CLSTN2: variants seen among roughly 807,000 people sequenced by gnomAD.
CLSTN2 encodes calsyntenin 2, also known as calsyntenin-2.
A neutral mutation model predicts 101.2 loss-of-function variants in CLSTN2; 48 were observed. The ratio of observed to expected loss-of-function variants is 0.47; its 90% CI spans 0.38 to 0.60. The LOEUF is 0.60. Ranked by LOEUF, CLSTN2 falls within the 20% of genes least tolerant of loss-of-function variation. CLSTN2 has a pLI of 0.00. For synonymous variants in CLSTN2, 481 were observed against 463.6 expected, an observed-to-expected ratio of 1.04 and a Z score of -0.48; for missense variants, 1,160 against 1,238.2, an observed-to-expected ratio of 0.94 and a Z score of 0.95.
intron 8 of CLSTN2, among the ~76,000 whole-genome samples, chr3:140,498,059 T>C (rs1238447663): frequency 6.6e-6 from 1 of 152,208 alleles, no homozygotes; most frequent in East Asian, 1.9e-4. Flanking sequence ...CGGTTGAAGG[T>C]GCTGAATTCA....
chr3:140,121,757 G>A (rs989352489), intron 1 of CLSTN2, among the ~76,000 whole-genome samples: 15 of 152,178 alleles, frequency 9.9e-5, no homozygotes, highest in African/African-American at 3.6e-4. Context: ...GGTGCTGTTT[G>A]GTGGGCTTGG....
intron 1 of CLSTN2, among the ~76,000 whole-genome samples, chr3:139,939,542 A>G (rs182936748): frequency 1.3e-5 from 2 of 152,186 alleles, no homozygotes; most frequent in Non-Finnish European, 2.9e-5. Context: ...CCCACAGAAG[A>G]GCACAGTATG....
intron 7 of CLSTN2, chr3:140,461,392 A>G (rs902867055): frequency 6.6e-6 from 1 of 152,310 alleles, no homozygotes; most frequent in African/African-American, 2.4e-5. Flanking sequence ...GAATGTGCAG[A>G]CAAATACAAA....
At position 140,174,280 on chromosome 3, in the gene CLSTN2, C is replaced by T. The variant is rs112725110; in HGVS notation, c.110-1671C>T. Among the ~76,000 whole-genome samples, 455 of 152,252 alleles carry T rather than the reference C, an allele frequency of 3.0e-3. 2 individuals are homozygous for T. Among genetic ancestry groups the T allele is most frequent in the African/African-American group, 0.01 (419 of 41,544 alleles). ...AATATAACAAGAGTCACCTTTGCTC[C>T]GGTTCCCAACAAGTTCCTCATCTCC... is the stretch of plus-strand genomic sequence containing the variant. On this transcript the variant is annotated intron_variant, in intron 1 of 16. Transcript: ENST00000458420.
intron 2 of CLSTN2, among the ~76,000 whole-genome samples, chr3:140,395,753 AT>A (rs61365299): frequency 0.025 from 3,832 of 152,190 alleles, 144 homozygotes; most frequent in African/African-American, 0.086. Context: ...TTCCTGTCTT[AT>A]TATACTTAAA....
At chr3:140,402,573 A>C (rs919993434) in intron 2 of CLSTN2, among the ~76,000 whole-genome samples, 2 of 152,184 alleles carry the variant, frequency 1.3e-5, no homozygotes, top group African/African-American at 4.8e-5. Flanking sequence ...ATAGTTGGGC[A>C]GGACCTGGAC....
chr3:140,360,675 T>C (rs1468229911), intron 2 of CLSTN2, among the ~76,000 whole-genome samples: 2 of 152,118 alleles, frequency 1.3e-5, no homozygotes, highest in Admixed American at 6.5e-5. Flanking sequence ...CTCAGGACTC[T>C]GGGAATTTAT....
intron 1 of CLSTN2, among the ~76,000 whole-genome samples, chr3:140,128,430 G>A (rs900789364): frequency 4.6e-5 from 7 of 152,156 alleles, no homozygotes; most frequent in African/African-American, 1.7e-4. Flanking sequence ...ATTCAAATTA[G>A]GTAGTATGAG....
chr3:140,498,339 G>C (rs1323649530), intron 8 of CLSTN2, among the ~76,000 whole-genome samples: 2 of 152,082 alleles, frequency 1.3e-5, no homozygotes, highest in Non-Finnish European at 2.9e-5. Flanking sequence ...GGACAATCAG[G>C]GAGCCCCCCT....
intron 8 of CLSTN2, among the ~76,000 whole-genome samples, chr3:140,501,382 T>A (rs1370050924): frequency 6.6e-6 from 1 of 151,382 alleles, no homozygotes; most frequent in East Asian, 1.9e-4. Flanking sequence ...ACTAGCTTTC[T>A]CCTGCCTAGC....
chr3:140,189,284 TG>T (rs1397202838), intron 2 of CLSTN2, among the ~76,000 whole-genome samples: 1 of 152,236 alleles, frequency 6.6e-6, no homozygotes, highest in Non-Finnish European at 1.5e-5. Flanking sequence ...GTATAGTTGC[TG>T]GGTCATATAG....
intron 2 of CLSTN2, among the ~76,000 whole-genome samples, chr3:140,363,924 G>C (rs528565866): frequency 3.3e-5 from 5 of 152,324 alleles, no homozygotes; most frequent in Middle Eastern, 3.4e-3. Context: ...TGACTGGGAG[G>C]CCTCTCTTGT....
intron 2 of CLSTN2, among the ~76,000 whole-genome samples, chr3:140,279,123 T>C (rs1404647790): frequency 1.3e-5 from 2 of 152,208 alleles, no homozygotes; most frequent in Non-Finnish European, 2.9e-5. Context: ...CTTCTTTCCC[T>C]CAACATTATG....
intron 5 of CLSTN2, among the ~76,000 whole-genome samples, chr3:140,437,005 C>A (rs1398960228): frequency 6.6e-6 from 1 of 151,512 alleles, no homozygotes; most frequent in Non-Finnish European, 1.5e-5. Context: ...ACAGGCTGAA[C>A]CAGGCAGGCA....
intron 1 of CLSTN2, among the ~76,000 whole-genome samples, chr3:140,068,057 A>C (rs2008328588): frequency 1.3e-5 from 2 of 152,180 alleles, no homozygotes; most frequent in South Asian, 4.1e-4. Flanking sequence ...AGTGGCAGAG[A>C]GTTAAATCCA....
chr3:140,410,306 A>AT (rs1363720114), intron 4 of CLSTN2, among the ~76,000 whole-genome samples: 2 of 151,900 alleles, frequency 1.3e-5, no homozygotes, highest in African/African-American at 4.8e-5. Flanking sequence ...AAGAAAAAAA[A>AT]CATATACATG....
At chr3:140,010,066 T>C (rs2007040277) in intron 1 of CLSTN2, among the ~76,000 whole-genome samples, 1 of 152,192 alleles carries the variant, frequency 6.6e-6, no homozygotes, top group Admixed American at 6.5e-5. Context: ...CCTACACTTC[T>C]GTTCTATTAA....
chr3:139,970,299 C>T lies in CLSTN2; in HGVS notation c.109+34816C>T, dbSNP rs1032829312. 3.9e-5 allele frequency among the ~76,000 whole-genome samples: 6 copies of T among 152,282 alleles called. No individual in the cohort carries two copies. The East Asian group carries it at 1.2e-3, about 29-fold the overall frequency. ...CACAGGGTTCCTGGCACCATGTGAG[C>T]TGGCATGTGTGAAGCATCTGGGGGG... On this transcript the variant is annotated intron_variant, in intron 1 of 16. Coordinates refer to ENST00000458420, the MANE Select transcript of CLSTN2 (RefSeq NM_022131.3).
At chr3:139,966,211 C>T (rs1190756692) in intron 1 of CLSTN2, among the ~76,000 whole-genome samples, 1 of 152,202 alleles carries the variant, frequency 6.6e-6, no homozygotes, top group Non-Finnish European at 1.5e-5. Flanking sequence ...CCTGCTCTCT[C>T]TCCACAACCT....
Sources: allele counts gnomAD v4.1 joint callset (sites outside exome capture counted in the v4.1 genomes callset), GRCh38; gene constraint gnomAD v4.1.1; transcripts MANE v1.5; gene names NCBI Gene and HGNC (gene_info 2026-07-23, HGNC 2026-07-21).